The following MYRIP variants were observed in gnomAD, a reference collection of about 807,000 sequenced individuals.
MYRIP encodes the protein myosin VIIA and Rab interacting protein.
MYRIP carries 49 observed loss-of-function variants against 98.0 expected under a neutral mutation model. The observed-to-expected ratio is 0.50, with a 90% CI of 0.40 to 0.63. MYRIP has a LOEUF of 0.63. Ranked by LOEUF, MYRIP falls within the 30% of genes least tolerant of loss-of-function variation. The pLI is 0.00. For synonymous variants in MYRIP, 404 were observed against 409.5 expected (o/e 0.99, Z 0.16); for missense variants, 1,004 against 1,058.2 (o/e 0.95, Z 0.71).
chr3:39,871,950 A>C (rs1942802765), intron 1 of MYRIP, among the ~76,000 whole-genome samples: 1 of 152,056 alleles, frequency 6.6e-6, no homozygotes, highest in Non-Finnish European at 1.5e-5. Flanking sequence ...GTACAGTTGT[A>C]TATCTTGAAA....
intron 4 of MYRIP, among the ~76,000 whole-genome samples, chr3:40,156,816 A>C (rs1950253358): frequency 6.6e-6 from 1 of 152,094 alleles, no homozygotes; most frequent in East Asian, 1.9e-4. Context: ...GTGTATAAGA[A>C]TGCTTGTGAT....
intron 1 of MYRIP, among the ~76,000 whole-genome samples, chr3:39,855,525 AG>A (rs1347052548): frequency 1.3e-5 from 2 of 151,726 alleles, no homozygotes; most frequent in Admixed American, 6.6e-5. Flanking sequence ...ATGGGGTGTG[AG>A]GGGGTGGTTC....
At chr3:39,974,243 C>A (rs562097065) in intron 2 of MYRIP, among the ~76,000 whole-genome samples, 110 of 152,236 alleles carry the variant, frequency 7.2e-4, no homozygotes, top group African/African-American at 2.4e-3. Flanking sequence ...CATAGAAATA[C>A]AAACTACCAT....
intron 1 of MYRIP, among the ~76,000 whole-genome samples, chr3:39,816,568 A>G (rs1248986255): frequency 6.6e-6 from 1 of 152,210 alleles, no homozygotes; most frequent in Non-Finnish European, 1.5e-5. Flanking sequence ...CTTAGTTATT[A>G]TCATAATTAT....
chr3:40,014,743 A>G (rs1240552253), intron 2 of MYRIP, among the ~76,000 whole-genome samples: 1 of 152,244 alleles, frequency 6.6e-6, no homozygotes, highest in African/African-American at 2.4e-5. Context: ...GACCTGGGAA[A>G]CTTGTCCCAG....
At chr3:39,994,902 T>A (rs1946297748) in intron 2 of MYRIP, among the ~76,000 whole-genome samples, 2 of 152,212 alleles carry the variant, frequency 1.3e-5, no homozygotes, top group South Asian at 4.1e-4. Flanking sequence ...TTCTGCAGCC[T>A]CTGCTGCTGA....
chr3:39,929,688 A>G (rs971338511), intron 2 of MYRIP, among the ~76,000 whole-genome samples: 1 of 152,060 alleles, frequency 6.6e-6, no homozygotes, highest in Non-Finnish European at 1.5e-5. Context: ...TTCAAATATT[A>G]TCTCTGTCTA....
chr3:40,052,106 A>G (rs1204871812), intron 3 of MYRIP, among the ~76,000 whole-genome samples: 1 of 152,038 alleles, frequency 6.6e-6, no homozygotes, highest in Non-Finnish European at 1.5e-5. Context: ...TTTCCCTACT[A>G]TACTATTGAA....
chr3:39,992,925 C>T (rs1469410634), intron 2 of MYRIP, among the ~76,000 whole-genome samples: 2 of 152,120 alleles, frequency 1.3e-5, no homozygotes, highest in Non-Finnish European at 2.9e-5. Flanking sequence ...GTCAGGGACC[C>T]CTTCTTGTTC....
intron 2 of MYRIP, among the ~76,000 whole-genome samples, chr3:39,969,157 A>T (rs1261838555): frequency 6.6e-6 from 1 of 152,104 alleles, no homozygotes; most frequent in Non-Finnish European, 1.5e-5. Context: ...AATGCTAGTG[A>T]TTTTTGTACA....
At chr3:40,009,230 G>A (rs768784112) in intron 2 of MYRIP, among the ~76,000 whole-genome samples, 3 of 149,802 alleles carry the variant, frequency 2.0e-5, no homozygotes, top group Non-Finnish European at 4.4e-5. Flanking sequence ...ATGACAAACT[G>A]CTACTTCTTT....
chr3:39,890,268 T>G (rs1384705745), intron 1 of MYRIP, among the ~76,000 whole-genome samples: 1 of 152,110 alleles, frequency 6.6e-6, no homozygotes, highest in East Asian at 1.9e-4. Context: ...TTCTCACTTC[T>G]CGTGCATGCC....
At chr3:40,032,508 T>C (rs564224369) in intron 2 of MYRIP, among the ~76,000 whole-genome samples, 2 of 152,202 alleles carry the variant, frequency 1.3e-5, no homozygotes, top group Admixed American at 1.3e-4. Flanking sequence ...TTCTGTTGAT[T>C]TGGGGTGGAG....
chr3:39,967,879 T>A (rs1945479464), intron 2 of MYRIP, among the ~76,000 whole-genome samples: 1 of 152,242 alleles, frequency 6.6e-6, no homozygotes, highest in Non-Finnish European at 1.5e-5. Flanking sequence ...ACACGTTATG[T>A]CTTCTTTTGA....
intron 3 of MYRIP, among the ~76,000 whole-genome samples, chr3:40,112,011 G>T (rs1949168036): frequency 6.6e-6 from 1 of 152,126 alleles, no homozygotes; most frequent in South Asian, 2.1e-4. Flanking sequence ...GATTTTATAT[G>T]CTTGTTACTT....
At chr3:39,840,075 A>G (rs1315472854) in intron 1 of MYRIP, among the ~76,000 whole-genome samples, 1 of 152,164 alleles carries the variant, frequency 6.6e-6, no homozygotes, top group East Asian at 1.9e-4. Context: ...GTGGGGTGTT[A>G]AAGTCTCCCA....
At chr3:40,040,995 A>G (rs1388608881) in intron 2 of MYRIP, among the ~76,000 whole-genome samples, 849 of 50,860 alleles carry the variant, frequency 0.017, 20 homozygotes, top group African/African-American at 0.058. Context: ...AAAAAAAAAG[A>G]AAAAAAAAAA....
intron 3 of MYRIP, chr3:40,071,340 G>A (rs1469739194): frequency 3.5e-6 from 1 of 289,164 alleles, no homozygotes; most frequent in Non-Finnish European, 5.2e-6. Context: ...ACGGATGGCA[G>A]GTCAGGAATG....
intron 1 of MYRIP, among the ~76,000 whole-genome samples, chr3:39,847,006 A>G (rs927918530): frequency 6.6e-6 from 1 of 152,202 alleles, no homozygotes; most frequent in Non-Finnish European, 1.5e-5. Context: ...CAACTGAGTT[A>G]GGTTGATTCA....
Sources: allele counts gnomAD v4.1 joint callset (sites outside exome capture counted in the v4.1 genomes callset), GRCh38; gene constraint gnomAD v4.1.1; transcripts MANE v1.5; gene names NCBI Gene and HGNC (gene_info 2026-07-23, HGNC 2026-07-21).